The following CELF2 variants were observed in gnomAD, a reference collection of about 807,000 sequenced individuals.
CELF2 encodes CUGBP Elav-like family member 2.
Under a neutral mutation model 62.6 loss-of-function variants are expected in CELF2, and 8 were observed. The ratio of observed to expected loss-of-function variants is 0.13; its 90% CI spans 0.07 to 0.23. The LOEUF is 0.23. Among genes scored for constraint, CELF2 ranks in the 10% least tolerant of loss-of-function variants. The probability of loss-of-function intolerance (pLI) is 1.00; values close to 1 mark genes in which losing one functional copy is unlikely to be tolerated. For synonymous variants in CELF2, 258 were observed against 250.0 expected (o/e 1.03, Z -0.30); for missense variants, 333 against 671.0 (o/e 0.50, Z 5.56).
intron 1 of CELF2, among the ~76,000 whole-genome samples, chr10:11,116,387 C>T (rs888745190): frequency 7.9e-5 from 12 of 152,182 alleles, no homozygotes; most frequent in African/African-American, 2.9e-4. Context: ...GGTCAAGAAG[C>T]CTGTGCATGT....
At chr10:11,105,021 T>C (rs1327264062) in intron 1 of CELF2, among the ~76,000 whole-genome samples, 1 of 152,228 alleles carries the variant, frequency 6.6e-6, no homozygotes, top group East Asian at 1.9e-4. Flanking sequence ...AGCTGCGATG[T>C]AGTTTGGCCA....
chr10:11,004,403 C>CTG (rs540226284), upstream of CELF2, among the ~76,000 whole-genome samples: 1,656 of 146,610 alleles, frequency 0.011, 29 homozygotes, highest in African/African-American at 0.043. The surrounding 1 kb of genome is among the most constrained non-coding windows in gnomAD (Gnocchi z 5.0). Context: ...CTCTTCTTTC[C>CTG]TGTGTGTGTG....
At chr10:11,310,070 A>G (rs900838971) in intron 9 of CELF2, among the ~76,000 whole-genome samples, 2 of 152,148 alleles carry the variant, frequency 1.3e-5, no homozygotes, top group African/African-American at 4.8e-5. Context: ...AGTGAGTGAG[A>G]TGGAGTGAAT....
chr10:10,505,566 G>T, the CELF2 span, among the ~76,000 whole-genome samples: 1 of 152,120 alleles, frequency 6.6e-6, no homozygotes, highest in Non-Finnish European at 1.5e-5. Context: ...TTACTGGTCA[G>T]TGGGGATTAA....
At chr10:10,911,714 C>T (rs549772438) in intron 1 of CELF2, among the ~76,000 whole-genome samples, 2 of 152,224 alleles carry the variant, frequency 1.3e-5, no homozygotes, top group Non-Finnish European at 2.9e-5. Context: ...AGAGTAACTC[C>T]GCCTCCTGGA....
chr10:10,933,762 A>C (rs2066342892), intron 2 of CELF2, among the ~76,000 whole-genome samples: 1 of 152,228 alleles, frequency 6.6e-6, no homozygotes, highest in African/African-American at 2.4e-5. Context: ...CATATTGTTG[A>C]AAATGACAGA....
At chr10:10,491,823 C>T in the CELF2 span, among the ~76,000 whole-genome samples, 1 of 152,202 alleles carries the variant, frequency 6.6e-6, no homozygotes, top group Non-Finnish European at 1.5e-5. Context: ...TTCTCCACCA[C>T]GTCTAAAGAA....
intron 2 of CELF2, among the ~76,000 whole-genome samples, chr10:11,208,808 C>T (rs924510913): frequency 2.0e-5 from 3 of 152,038 alleles, no homozygotes; most frequent in Admixed American, 6.5e-5. Context: ...GACTGAGAGA[C>T]AGGAGGGCAG....
the CELF2 span, among the ~76,000 whole-genome samples, chr10:10,745,118 AAAAAAAAAACAAAAC>A: frequency 1.2e-5 from 1 of 82,328 alleles, no homozygotes; most frequent in Non-Finnish European, 2.6e-5. Context: ...CCACGTAAAA[AAAAAAAAAACAAAAC>A]AAAAAAAAAC....
In CELF2 at chr10:11,237,695, G is replaced by A. The variant is rs1427288398; in HGVS notation, c.355-11458G>A. Among the ~76,000 whole-genome samples the A allele has an allele frequency of 6.6e-6, 1 of 152,190 alleles. No individual in the cohort carries two copies. Among genetic ancestry groups the A allele is most frequent in the Non-Finnish European group, 1.5e-5 (1 of 68,040 alleles). On this transcript the variant is annotated intron_variant, in intron 3 of 12. Coordinates refer to ENST00000633077, the MANE Select transcript of CELF2 (RefSeq NM_001326342.2). The surrounding 1 kb of genome is among the most constrained non-coding windows in gnomAD (Gnocchi z 4.0). ...CTTTGTTCATCCCAGTTCCCAAGAT[G>A]TCGAGAACTGAGTCACAGTGAGCCC...
At chr10:10,819,900 T>C (rs2056813046) in intron 1 of CELF2, among the ~76,000 whole-genome samples, 1 of 152,144 alleles carries the variant, frequency 6.6e-6, no homozygotes, top group Admixed American at 6.5e-5. Flanking sequence ...TGAGCTTGCA[T>C]CCCTTCTCTG....
chr10:10,527,039 T>C, the CELF2 span, among the ~76,000 whole-genome samples: 2 of 152,262 alleles, frequency 1.3e-5, no homozygotes, highest in South Asian at 4.1e-4. Flanking sequence ...ATGTGTTTTT[T>C]TGCATAAACA....
chr10:10,551,271 G>A, the CELF2 span, among the ~76,000 whole-genome samples: 161 of 152,268 alleles, frequency 1.1e-3, no homozygotes, highest in Non-Finnish European at 2.0e-3. Flanking sequence ...AGCTAGGATG[G>A]CATTTTAGAG....
intron 2 of CELF2, among the ~76,000 whole-genome samples, chr10:10,966,108 G>A (rs2050096516): frequency 6.6e-6 from 1 of 152,220 alleles, no homozygotes; most frequent in African/African-American, 2.4e-5. Context: ...AGGAGAACAG[G>A]GATGGAGGAG....
At chr10:10,808,458 G>A (rs1454464304) in intron 1 of CELF2, among the ~76,000 whole-genome samples, 1 of 152,026 alleles carries the variant, frequency 6.6e-6, no homozygotes, top group Non-Finnish European at 1.5e-5. Context: ...AAGGCCCTTG[G>A]GAAATCTCAA....
chr10:11,308,603 CA>C (rs2094397520), intron 9 of CELF2, among the ~76,000 whole-genome samples: 3 of 152,186 alleles, frequency 2.0e-5, no homozygotes, highest in African/African-American at 7.2e-5. Flanking sequence ...TAAATCAGGA[CA>C]CAAGTAAATT....
intron 2 of CELF2, among the ~76,000 whole-genome samples, chr10:10,926,757 G>C (rs1215302149): frequency 6.6e-6 from 1 of 152,208 alleles, no homozygotes; most frequent in Non-Finnish European, 1.5e-5. Context: ...CTGTCAGCAA[G>C]GAGAAAGGTA....
the CELF2 span, among the ~76,000 whole-genome samples, chr10:10,736,530 C>G: frequency 6.6e-6 from 1 of 151,190 alleles, no homozygotes; most frequent in Non-Finnish European, 1.5e-5. Context: ...TTGTTATGAA[C>G]GAATAAGACA....
intron 1 of CELF2, among the ~76,000 whole-genome samples, chr10:11,081,633 C>T (rs2074058422): frequency 6.6e-6 from 1 of 152,108 alleles, no homozygotes; most frequent in Non-Finnish European, 1.5e-5. Flanking sequence ...GTGTTAGAAC[C>T]TCTGGAAGGG....
Sources: allele counts gnomAD v4.1 joint callset (sites outside exome capture counted in the v4.1 genomes callset), GRCh38; gene constraint gnomAD v4.1.1; non-coding constraint Gnocchi (gnomAD v3.1); transcripts MANE v1.5; gene names NCBI Gene and HGNC (gene_info 2026-07-23, HGNC 2026-07-21).